Variants in TSR3 observed in about 807,000 individuals in gnomAD.
TSR3 encodes TSR3 ribosome maturation factor, also known as 18S rRNA aminocarboxypropyltransferase.
In TSR3, 31 loss-of-function variants were observed where a neutral mutation model predicts 28.1. That is an observed-to-expected ratio of 1.10 (90% CI 0.83 to 1.49). The LOEUF is 1.49. Among genes scored for constraint, TSR3 ranks in the 40% most tolerant of loss-of-function variants. The pLI is 0.00. For missense variants in TSR3, 511 were observed against 444.0 expected (o/e 1.15, Z -1.36); for synonymous variants, 219 against 197.2 (o/e 1.11, Z -0.93).
Position 1,349,568 on chromosome 16 carries a change from G to C in TSR3, c.808C>G (p.Pro270Ala), listed in dbSNP as rs146706209. 2 of 1,612,690 alleles carry C rather than the reference G, an allele frequency of 1.2e-6. No individual in the cohort carries two copies. The highest frequency in any genetic ancestry group is 3.3e-5 in the Admixed American group (2 of 59,920). The change falls in exon 6 of 6, where the codon CCA (proline) becomes GCA (alanine). Residue 270 changes from proline to alanine, a missense_variant. Pro to Ala is a conservative substitution (Grantham distance 27). Transcript: ENST00000007390. ...CCTCCGCGCTCGGCGCCAGGCCCTG[G>C]GTCCTCAGACGCATCACTGTCATCA... is the stretch of plus-strand genomic sequence containing the variant. ...DTDDSDASED[P>A]GPGAERGGAS...
In TSR3 at chr16:1,350,979, C is replaced by T; in HGVS notation, c.354G>A (p.Gly118=). The change falls in exon 3 of 6, where the codon GGG becomes GGA. Residue 118 remains glycine (G), a synonymous_variant. Transcript: ENST00000007390. The part of the protein sequence containing the change: ...PADRQLVAQS[G]VAVIDCSWAR... ...CCCAGGAGCAGTCGATGACGGCGACCCCAGACTGCGCCACCAGCTGTCTGC... is the reference window on the plus strand; with the variant it reads ...CCCAGGAGCAGTCGATGACGGCGACTCCAGACTGCGCCACCAGCTGTCTGC... 1.9e-6 allele frequency: 3 copies of T among 1,611,980 alleles called. No individual in the cohort carries two copies. Among genetic ancestry groups the T allele is most frequent in the Non-Finnish European group, 1.7e-6 (2 of 1,179,830 alleles).
At chr16:1,351,117 C>A in intron 2 of TSR3, 117 bp from the exon 3 acceptor site, 1 of 1,161,732 alleles carries the variant, frequency 8.6e-7, no homozygotes, top group Non-Finnish European at 1.2e-6. Context: ...CCCAAACACC[C>A]TCAAACGGAC....
In TSR3 at chr16:1,351,340, G is replaced by A. The variant is rs768415648; in HGVS notation, c.332+39C>T. On this transcript the variant is annotated intron_variant, in intron 2 of 5. Coordinates refer to ENST00000007390, the MANE Select transcript of TSR3 (RefSeq NM_001001410.3). ...CCATCCCTGAAGGGAACCACGCGCT[G>A]GAAATGAAGACGACCTCGGGCAGGC... The A allele has an allele frequency of 4.5e-6, 7 of 1,547,748 alleles. No individual in the cohort carries two copies. In the African/African-American group the frequency reaches 5.5e-5, roughly 12 times the overall value.
In TSR3 at chr16:1,349,490, C is replaced by T. The variant is rs759162467; in HGVS notation, c.886G>A (p.Ala296Thr). 6.2e-7 allele frequency: 1 copy of T among 1,613,744 alleles called. No individual in the cohort carries two copies. Among genetic ancestry groups the T allele is most frequent in the South Asian group, 1.1e-5 (1 of 91,068 alleles). ...EEQTQGRGAE[A>T]RAPAEVWKGI... ...TTCCAAACCTCAGCCGGGGCCCTGG[C>T]CTCAGCCCCCCGTCCCTGCGTCTGC... Residue 296 changes from alanine (A) to threonine (T), a missense_variant, in exon 6 of 6, where the codon GCC (alanine) becomes ACC (threonine). Physicochemically the swap from Ala to Thr is moderately conservative, Grantham distance 58 (BLOSUM62 0). Transcript: ENST00000007390.
At position 1,349,587 on chromosome 16, in the gene TSR3, G is replaced by A; in HGVS notation, c.789C>T (p.Asp263=). 1.2e-6 allele frequency: 2 copies of A among 1,606,710 alleles called. No individual in the cohort carries two copies. Among genetic ancestry groups the A allele is most frequent in the Non-Finnish European group, 8.5e-7 (1 of 1,176,606 alleles). Reference sequence around the variant, plus strand: ...GCCCTGGGTCCTCAGACGCATCACTGTCATCAGTGTCCGAGGGCAGCCTGG... The same window carrying A: ...GCCCTGGGTCCTCAGACGCATCACTATCATCAGTGTCCGAGGGCAGCCTGG... ...ASTRLPSDTD[D]SDASEDPGPG... Residue 263 remains aspartate, a synonymous_variant, in exon 6 of 6, where the codon GAC becomes GAT. Coordinates refer to ENST00000007390, the MANE Select transcript of TSR3 (RefSeq NM_001001410.3).
chr16:1,351,828 A>G lies in TSR3; in HGVS notation c.-24T>C. 1 of 1,293,206 alleles carries G rather than the reference A, an allele frequency of 7.7e-7. No homozygotes were observed. The highest frequency in any genetic ancestry group is 2.4e-5 in the South Asian group (1 of 42,382). The allele number at this position is 1,293,206 out of a possible 1,614,324, so 80.1% of individuals were successfully genotyped here. ...ATGGCGCGGACCTGGGGTGCCGGGG[A>G]CTCCCCACCCCACGGCCGCGCCCCT... On this transcript the variant is annotated 5_prime_UTR_variant, in exon 1 of 6. Transcript: ENST00000007390.
chr16:1,350,240 G>T lies in TSR3; in HGVS notation c.527-6C>A, dbSNP rs372514570. ...GACAGCAAGGTCTGGAAAGCCTGAC[G>T]GTGTGAGAAACAGGAAACCCAAAGA... On this transcript the variant is annotated splice_polypyrimidine_tract_variant and splice_region_variant and intron_variant, in intron 3 of 5. Transcript: ENST00000007390. The T allele has an allele frequency of 1.9e-6, 3 of 1,578,984 alleles. No individual in the cohort carries two copies. The highest frequency in any genetic ancestry group is 2.6e-6 in the Non-Finnish European group (3 of 1,167,110).
intron 1 of TSR3, 41 bp from the exon 2 acceptor site, chr16:1,351,639 C>T: frequency 1.4e-6 from 2 of 1,434,464 alleles, no homozygotes; most frequent in South Asian, 1.4e-5. Flanking sequence ...CAGCGTGGGA[C>T]CCCCGGGCAG....
chr16:1,351,691 A>G lies in TSR3; in HGVS notation c.112+2T>C. 4 of 1,381,428 alleles carry G rather than the reference A, an allele frequency of 2.9e-6. No homozygotes were observed. Among genetic ancestry groups the G allele is most frequent in the Non-Finnish European group, 2.8e-6 (3 of 1,073,386 alleles). 85.6% of individuals were successfully genotyped at this position (1,381,428 alleles called of 1,614,324 possible). On this transcript the variant is annotated splice_donor_variant, in intron 1 of 5. Transcript: ENST00000007390. LOFTEE classifies it high-confidence loss of function. ...CCGCTCTCCCCATCACGCCTCGCTC[A>G]CCCTGCAGCGCGGCGCCGACCTCCT...
In TSR3 at chr16:1,351,567, C is replaced by G; in HGVS notation, c.144G>C (p.Glu48Asp). 6.8e-7 allele frequency: 1 copy of G among 1,475,730 alleles called. No individual in the cohort carries two copies. Among genetic ancestry groups the G allele is most frequent in the East Asian group, 2.9e-5 (1 of 34,054 alleles). The allele number at this position is 1,475,730 out of a possible 1,614,324, so 91.4% of individuals were successfully genotyped here. Residue 48 changes from glutamate (E) to aspartate (D), a missense_variant, in exon 2 of 6, where the codon GAG (glutamate) becomes GAC (aspartate). By Grantham distance (45) the Glu-to-Asp change is conservative (BLOSUM62 2). Transcript: ENST00000007390. ...GCAGCGCCGCCGGGCCCGGGCCGCC[C>G]TCGCCGTCAGCCGCCCCTGGCTCCA... Reference protein sequence around the residue: ...ASVEPGAADGEGGPGPAALPC... With the variant: ...ASVEPGAADGDGGPGPAALPC...
rs779096350 is a variant in TSR3 at position 1,349,517 on chromosome 16, C to T, written c.859G>A (p.Glu287Lys). 3.7e-6 allele frequency: 6 copies of T among 1,613,558 alleles called. No individual in the cohort carries two copies. The highest frequency in any genetic ancestry group is 5.1e-6 in the Non-Finnish European group (6 of 1,180,008). ...GGASSSCCEE[E>K]QTQGRGAEAR... Reference sequence around the variant, plus strand: ...TCAGCCCCCCGTCCCTGCGTCTGCTCCTCTTCACAGCAGCTGCTGCTGGCT... The same window carrying T: ...TCAGCCCCCCGTCCCTGCGTCTGCTTCTCTTCACAGCAGCTGCTGCTGGCT... The change falls in exon 6 of 6, where the codon GAG (glutamate) becomes AAG (lysine). Residue 287 changes from glutamate to lysine, a missense_variant. Transcript: ENST00000007390.
chr16:1,351,042 C>T (rs1206334150), intron 2 of TSR3, 42 bp from the exon 3 acceptor site: 1 of 1,586,802 alleles, frequency 6.3e-7, no homozygotes, highest in South Asian at 1.1e-5. Flanking sequence ...GCCAGCACTA[C>T]CCAAGGTGGA....
At chr16:1,351,122 A>C in intron 2 of TSR3, 122 bp from the exon 3 acceptor site, 11 of 1,105,018 alleles carry the variant, frequency 1.0e-5, no homozygotes, top group Non-Finnish European at 1.3e-5. Context: ...ACACCCTCAA[A>C]CGGACTTCAC....
rs1434869923 is a variant in TSR3 at position 1,350,791 on chromosome 16, GGGCCC to G, written c.526+11_526+15del. ...CAGGCCGCCGGGTCACACTGCTGTG[GGGCCC>G]CTGGACTCACCTACGATGCAGAAGG... On this transcript the variant is annotated intron_variant, in intron 3 of 5. Coordinates refer to ENST00000007390, the MANE Select transcript of TSR3 (RefSeq NM_001001410.3). The G allele has an allele frequency of 6.2e-7, 1 of 1,606,428 alleles. No individual in the cohort carries two copies. The highest frequency in any genetic ancestry group is 8.5e-7 in the Non-Finnish European group (1 of 1,174,868).
At chr16:1,349,664 T>C in intron 5 of TSR3, 56 bp from the exon 6 acceptor site, 5 of 1,534,280 alleles carry the variant, frequency 3.3e-6, no homozygotes, top group Non-Finnish European at 4.4e-6. Context: ...CTAGCTGGAG[T>C]CAACGTCATC....
Position 1,351,389 on chromosome 16 carries a change from G to C in TSR3, c.322C>G (p.Pro108Ala), listed in dbSNP as rs775694762. 1 of 1,586,702 alleles carries C rather than the reference G, an allele frequency of 6.3e-7. No homozygotes were observed. The highest frequency in any genetic ancestry group is 8.5e-7 in the Non-Finnish European group (1 of 1,175,184). ...LSPVGKQYAS[P>A]ADRQLVAQSG... ...GCCTCCCGCGCCTACCTGTCTGCGG[G>C]GGACGCGTACTGCTTGCCCACGGGG... Residue 108 changes from proline (P) to alanine (A), a missense_variant, in exon 2 of 6, where the codon CCC (proline) becomes GCC (alanine). Physicochemically the swap from Pro to Ala is conservative, Grantham distance 27. Coordinates refer to ENST00000007390, the MANE Select transcript of TSR3 (RefSeq NM_001001410.3).
At position 1,349,495 on chromosome 16, in the gene TSR3, GC is replaced by G; in HGVS notation, c.880del (p.Ala294LeufsTer28). On this transcript the variant is annotated frameshift_variant, in exon 6 of 6. Coordinates refer to ENST00000007390, the MANE Select transcript of TSR3 (RefSeq NM_001001410.3). LOFTEE classifies it high-confidence loss of function. ...AACCTCAGCCGGGGCCCTGGCCTCAGCCCCCCGTCCCTGCGTCTGCTCCTCT... is the reference window on the plus strand; with the variant it reads ...AACCTCAGCCGGGGCCCTGGCCTCAGCCCCCGTCCCTGCGTCTGCTCCTCT... ...CEEEQTQGRG[A>X]EARAPAEVWK... is the part of the protein sequence containing the mutation. 2 of 1,613,676 alleles carry G rather than the reference GC, an allele frequency of 1.2e-6. No individual in the cohort carries two copies. Among genetic ancestry groups the G allele is most frequent in the Non-Finnish European group, 1.7e-6 (2 of 1,179,982 alleles).
In TSR3 at chr16:1,349,401, G is replaced by A. The variant is rs370031727; in HGVS notation, c.*36C>T. 66 of 1,612,420 alleles carry A rather than the reference G, an allele frequency of 4.1e-5. No homozygotes were observed. The highest frequency in any genetic ancestry group is 1.8e-4 in the East Asian group (8 of 44,868). On this transcript the variant is annotated 3_prime_UTR_variant, in exon 6 of 6. Coordinates refer to ENST00000007390, the MANE Select transcript of TSR3 (RefSeq NM_001001410.3). ...GTCCCTCATGTCTCTAGATTTTCTCGTCACCCAGCCTCAAAAATATATGTG... is the reference window on the plus strand; with the variant it reads ...GTCCCTCATGTCTCTAGATTTTCTCATCACCCAGCCTCAAAAATATATGTG...
At chr16:1,351,159 G>A (rs1255165841) in intron 2 of TSR3, among the ~76,000 whole-genome samples, 159 bp from the exon 3 acceptor site, 1 of 152,174 alleles carries the variant, frequency 6.6e-6, no homozygotes, top group Non-Finnish European at 1.5e-5. Flanking sequence ...CAGCTGCTTG[G>A]GGCACCTGGA....
Sources: gnomAD v4.1 joint callset for allele counts (sites outside exome capture counted in the v4.1 genomes callset) on GRCh38, gnomAD v4.1.1 for gene constraint, MANE v1.5 for transcripts, NCBI Gene and HGNC (gene_info 2026-07-23, HGNC 2026-07-21) for gene names.